Variants in MTNR1A observed in about 807,000 individuals in gnomAD.
MTNR1A encodes the protein melatonin receptor type 1A.
In MTNR1A, 7 loss-of-function variants were observed where a neutral mutation model predicts 5.5. That is an observed-to-expected ratio of 1.28 (90% CI 0.73 to 2.40). MTNR1A has a LOEUF of 2.40. Among genes scored for constraint, MTNR1A ranks in the 30% most tolerant of loss-of-function variants. The pLI is 0.00. For synonymous variants in MTNR1A, 196 were observed against 202.7 expected, an observed-to-expected ratio of 0.97 and a Z score of 0.28; for missense variants, 441 against 464.4, an observed-to-expected ratio of 0.95 and a Z score of 0.46.
intron 1 of MTNR1A, among the ~76,000 whole-genome samples, chr4:186,541,359 T>C (rs374183146): frequency 2.0e-5 from 3 of 152,156 alleles, no homozygotes; most frequent in African/African-American, 7.2e-5. Context: ...CACTGATTAA[T>C]GGGCAGTGGC....
intron 1 of MTNR1A, among the ~76,000 whole-genome samples, chr4:186,538,986 G>A (rs933081996): frequency 2.0e-5 from 3 of 152,098 alleles, no homozygotes; most frequent in Non-Finnish European, 2.9e-5. Flanking sequence ...TTGGGAGGCC[G>A]AGGCGGGGGA....
chr4:186,546,724 AC>A lies in MTNR1A; in HGVS notation c.184+8457del, dbSNP rs1362817334. On this transcript the variant is annotated intron_variant, in intron 1 of 1. Transcript: ENST00000307161. ...TCATACAACACACCATCCACACCAC[AC>A]CCTGTTCATACAACACACCATCCGC... 1.6e-5 allele frequency among the ~76,000 whole-genome samples: 2 copies of A among 123,926 alleles called. 1 individual carries two copies. Among genetic ancestry groups the A allele is most frequent in the African/African-American group, 6.9e-5 (2 of 29,186 alleles). The allele number at this position is 123,926 out of a possible 152,430, so 81.3% of individuals were successfully genotyped here.
rs1483935984 is a variant in MTNR1A, at chr4:186,549,131, T to C, written c.184+6051A>G. The stretch of plus-strand genomic sequence containing the variant: ...AACAAAATCGTGTCCTAAGCTCCTA[T>C]AGATGGATATAGGAGGCATCCAGCA... On this transcript the variant is annotated intron_variant, in intron 1 of 1. Transcript: ENST00000307161. Among the ~76,000 whole-genome samples the C allele has an allele frequency of 3.9e-5, 6 of 151,920 alleles. No homozygotes were observed. The East Asian group carries it at 5.8e-4, about 15-fold the overall frequency.
intron 1 of MTNR1A, among the ~76,000 whole-genome samples, chr4:186,552,467 ATAAG>A (rs1467050737): frequency 2.0e-5 from 3 of 152,354 alleles, no homozygotes; most frequent in African/African-American, 7.2e-5. Flanking sequence ...ATTTTGTAAA[ATAAG>A]TTTTATTTAA....
At chr4:186,546,311 C>G (rs1373618959) in intron 1 of MTNR1A, among the ~76,000 whole-genome samples, 1 of 152,010 alleles carries the variant, frequency 6.6e-6, no homozygotes, top group Non-Finnish European at 1.5e-5. Flanking sequence ...TCTCCATAGC[C>G]GATGAGCCTC....
chr4:186,554,241 G>A (rs1737324294), intron 1 of MTNR1A, among the ~76,000 whole-genome samples: 1 of 152,000 alleles, frequency 6.6e-6, no homozygotes, highest in African/African-American at 2.4e-5. Flanking sequence ...GGGCGGGTGG[G>A]GGAGGCAGGG....
Position 186,555,362 on chromosome 4 carries a change from G to A in MTNR1A, c.4C>T (p.Gln2Ter). ...TTGGGCAGCGCGCTGCCGTTGCCCT[G>A]CATGGTCCCTGTGCGCGTCCCGGCC... M[Q>*]GNGSALPNAS... The change falls in exon 1 of 2, where the codon CAG (glutamine) becomes TAG (stop). Residue 2 changes from glutamine to a stop codon, truncating the protein, a stop_gained. Coordinates refer to ENST00000307161, the MANE Select transcript of MTNR1A (RefSeq NM_005958.4). LOFTEE classifies it high-confidence loss of function. This position sits in a 1 kb window ranked among gnomAD's most constrained non-coding sequence, Gnocchi z 4.1. 6.6e-7 allele frequency: 1 copy of A among 1,525,376 alleles called. No individual in the cohort carries two copies. Among genetic ancestry groups the A allele is most frequent in the Non-Finnish European group, 8.8e-7 (1 of 1,136,304 alleles). The allele number at this position is 1,525,376 out of a possible 1,614,324, so 94.5% of individuals were successfully genotyped here.
At position 186,537,083 on chromosome 4, in the gene MTNR1A, T is replaced by C. The variant is rs755574151; in HGVS notation, c.185-2526A>G. Among the ~76,000 whole-genome samples, 59 of 152,216 alleles carry C rather than the reference T, an allele frequency of 3.9e-4. 1 individual carries two copies. Among genetic ancestry groups the C allele is most frequent in the Non-Finnish European group, 8.8e-5 (6 of 68,042 alleles). The stretch of plus-strand genomic sequence containing the variant: ...CGAATACCCTGCTTCATTTATTTTA[T>C]AGTAATTATGTTGCATTACAATTCA... On this transcript the variant is annotated intron_variant, in intron 1 of 1. Coordinates refer to ENST00000307161, the MANE Select transcript of MTNR1A (RefSeq NM_005958.4).
chr4:186,538,778 A>C (rs1736937383), intron 1 of MTNR1A, among the ~76,000 whole-genome samples: 1 of 152,240 alleles, frequency 6.6e-6, no homozygotes, highest in African/African-American at 2.4e-5. Context: ...TGGACCAAGG[A>C]GAACCTTCAG....
rs753735665 is a variant in MTNR1A at position 186,534,566 on chromosome 4, G to A, written c.185-9C>T. 8 of 1,608,182 alleles carry A rather than the reference G, an allele frequency of 5.0e-6. No homozygotes were observed. In the Admixed American group the frequency reaches 6.7e-5, roughly 13 times the overall value. ...CACCACAAAGATGTTTCCTGAAAGAGAATCGTTTAGAAAATACAGTGAATA... is the reference window on the plus strand; with the variant it reads ...CACCACAAAGATGTTTCCTGAAAGAAAATCGTTTAGAAAATACAGTGAATA... On this transcript the variant is annotated splice_polypyrimidine_tract_variant and intron_variant, in intron 1 of 1. Transcript: ENST00000307161.
chr4:186,542,985 C>T (rs535096173), intron 1 of MTNR1A, among the ~76,000 whole-genome samples: 2 of 152,174 alleles, frequency 1.3e-5, no homozygotes, highest in East Asian at 1.9e-4. Flanking sequence ...CCCAGTTACT[C>T]GGGAGGCTAA....
intron 1 of MTNR1A, among the ~76,000 whole-genome samples, chr4:186,540,528 G>A (rs144894854): frequency 1.2e-3 from 189 of 152,348 alleles, no homozygotes; most frequent in Middle Eastern, 6.8e-3. Flanking sequence ...TGCAGATACC[G>A]TTTTTTACTT....
intron 1 of MTNR1A, among the ~76,000 whole-genome samples, chr4:186,542,883 G>A (rs1737057396): frequency 6.6e-6 from 1 of 152,112 alleles, no homozygotes; most frequent in Admixed American, 6.6e-5. Flanking sequence ...GATCACTTGA[G>A]CCCAGGGGTT....
At chr4:186,548,675 CA>C (rs1729771447) in intron 1 of MTNR1A, among the ~76,000 whole-genome samples, 1 of 151,430 alleles carries the variant, frequency 6.6e-6, no homozygotes, top group Admixed American at 6.6e-5. Context: ...ATGTCACACG[CA>C]TGAGATGGCA....
chr4:186,550,084 C>T (rs914404996), intron 1 of MTNR1A, among the ~76,000 whole-genome samples: 4 of 152,344 alleles, frequency 2.6e-5, no homozygotes, highest in Non-Finnish European at 4.4e-5. Flanking sequence ...TTGAGTACTT[C>T]ATCCAGAGAA....
chr4:186,538,436 C>T (rs1213021366), intron 1 of MTNR1A, among the ~76,000 whole-genome samples: 1 of 152,206 alleles, frequency 6.6e-6, no homozygotes, highest in Admixed American at 6.5e-5. Flanking sequence ...CAGACGCCAC[C>T]ACAAGCTCGG....
Position 186,543,972 on chromosome 4 carries a change from A to G in MTNR1A, c.185-9415T>C, listed in dbSNP as rs114620862. Among the ~76,000 whole-genome samples the G allele has an allele frequency of 5.3e-3, 800 of 152,312 alleles. 5 individuals carry two copies. Among genetic ancestry groups the G allele is most frequent in the African/African-American group, 0.019 (777 of 41,574 alleles). On this transcript the variant is annotated intron_variant, in intron 1 of 1. Coordinates refer to ENST00000307161, the MANE Select transcript of MTNR1A (RefSeq NM_005958.4). The stretch of plus-strand genomic sequence containing the variant: ...AGCCTCACCCACAAAAGAATTTTGT[A>G]TAAGATTTGGAAGGTGGAAATGAAG...
chr4:186,543,859 G>T (rs1425912826), intron 1 of MTNR1A, among the ~76,000 whole-genome samples: 8 of 152,142 alleles, frequency 5.3e-5, no homozygotes, highest in African/African-American at 1.7e-4. Flanking sequence ...GTTGTCAAGG[G>T]GTGGACTGTG....
chr4:186,540,650 G>C (rs1736994433), intron 1 of MTNR1A, among the ~76,000 whole-genome samples: 1 of 152,058 alleles, frequency 6.6e-6, no homozygotes, highest in Non-Finnish European at 1.5e-5. Context: ...ACCAGGTGCT[G>C]TCTGTCTGAA....
Sources: gnomAD v4.1 joint callset for allele counts (sites outside exome capture counted in the v4.1 genomes callset) on GRCh38, gnomAD v4.1.1 for gene constraint, Gnocchi (gnomAD v3.1) non-coding constraint, MANE v1.5 for transcripts, NCBI Gene and HGNC (gene_info 2026-07-23, HGNC 2026-07-21) for gene names.